The following PPP2R2C variants were observed in gnomAD, a reference collection of about 807,000 sequenced individuals.
PPP2R2C encodes protein phosphatase 2 regulatory subunit Bgamma, also known as protein phosphatase 2, regulatory subunit B, gamma.
A neutral mutation model predicts 45.3 loss-of-function variants in PPP2R2C; 10 were observed. The ratio of observed to expected loss-of-function variants is 0.22; its 90% CI spans 0.14 to 0.37. The LOEUF is 0.37. Ranked by LOEUF, PPP2R2C falls within the 10% of genes least tolerant of loss-of-function variation. The pLI, the probability that PPP2R2C is intolerant of heterozygous loss-of-function variation, is 1.00. For synonymous variants in PPP2R2C, 257 were observed against 245.4 expected (o/e 1.05, Z -0.44); for missense variants, 308 against 619.7 (o/e 0.50, Z 5.34).
chr4:6,348,682 C>T (rs1249653153), intron 5 of PPP2R2C: 1 of 985,248 alleles, frequency 1.0e-6, no homozygotes, highest in Non-Finnish European at 1.2e-6. Flanking sequence ...GTCACCCCTG[C>T]TGTGCTGGGT....
chr4:6,333,406 G>A (rs539594275), intron 7 of PPP2R2C, among the ~76,000 whole-genome samples, 156 bp downstream of exon 7: 1 of 152,344 alleles, frequency 6.6e-6, no homozygotes, highest in South Asian at 2.1e-4. Context: ...GCCAAGCTAC[G>A]TGTGGGGATG....
intron 1 of PPP2R2C, chr4:6,421,133 T>C: frequency 1.0e-6 from 1 of 984,970 alleles, no homozygotes; most frequent in Non-Finnish European, 1.2e-6. Flanking sequence ...GTATGAGCCC[T>C]AGGCTCAGCC....
At chr4:6,427,539 G>A (rs1337739821) in intron 1 of PPP2R2C, among the ~76,000 whole-genome samples, 2 of 152,216 alleles carry the variant, frequency 1.3e-5, no homozygotes, top group Non-Finnish European at 2.9e-5. Context: ...GGCTGGACCT[G>A]CCAGGAATGA....
intron 5 of PPP2R2C, among the ~76,000 whole-genome samples, chr4:6,363,655 A>G (rs1577109913): frequency 6.6e-6 from 1 of 152,184 alleles, no homozygotes; most frequent in African/African-American, 2.4e-5. Context: ...ATGTCCATGA[A>G]CATGGATTTG....
At chr4:6,379,598 T>C (rs182419114) in intron 2 of PPP2R2C, among the ~76,000 whole-genome samples, 3 of 152,282 alleles carry the variant, frequency 2.0e-5, no homozygotes, top group Non-Finnish European at 4.4e-5. Context: ...ACCAATCCGA[T>C]CTCTTTCTGC....
intron 1 of PPP2R2C, among the ~76,000 whole-genome samples, chr4:6,423,537 A>T (rs1462726111): frequency 1.3e-5 from 2 of 152,240 alleles, no homozygotes; most frequent in African/African-American, 2.4e-5. Context: ...CAAGAAACAC[A>T]CATGCACCCT....
chr4:6,437,132 C>T (rs531025024), intron 1 of PPP2R2C, among the ~76,000 whole-genome samples: 34 of 152,298 alleles, frequency 2.2e-4, no homozygotes, highest in African/African-American at 7.9e-4. Flanking sequence ...GTTACTTTGC[C>T]ACTCTCAGCG....
intron 1 of PPP2R2C, among the ~76,000 whole-genome samples, chr4:6,459,897 T>C (rs75078007): frequency 1.3e-5 from 2 of 152,158 alleles, no homozygotes; most frequent in South Asian, 4.1e-4. Flanking sequence ...AGTACCAAGT[T>C]TGGTCATCAG....
At chr4:6,334,420 C>A (rs1378387743) in intron 6 of PPP2R2C, among the ~76,000 whole-genome samples, 1 of 152,174 alleles carries the variant, frequency 6.6e-6, no homozygotes, top group East Asian at 1.9e-4. Context: ...CCCACCTGGA[C>A]AATTATAGAC....
chr4:6,544,678 T>G (rs1724917363), intron 1 of PPP2R2C, among the ~76,000 whole-genome samples: 1 of 152,200 alleles, frequency 6.6e-6, no homozygotes, highest in South Asian at 2.1e-4. Context: ...TTGCACAAAG[T>G]GTCCCCCTGT....
intron 1 of PPP2R2C, among the ~76,000 whole-genome samples, chr4:6,427,286 G>A (rs1347939443): frequency 3.3e-5 from 5 of 152,204 alleles, no homozygotes; most frequent in Admixed American, 6.5e-5. Context: ...ACAGTTTAAC[G>A]TTCAGCATCT....
chr4:6,415,025 G>A (rs1488194063), intron 1 of PPP2R2C, among the ~76,000 whole-genome samples: 1 of 152,240 alleles, frequency 6.6e-6, no homozygotes, highest in Non-Finnish European at 1.5e-5. Flanking sequence ...GATGGTGTCA[G>A]GAACAGGTGC....
chr4:6,442,605 A>G (rs1434846689), intron 1 of PPP2R2C, among the ~76,000 whole-genome samples: 1 of 152,242 alleles, frequency 6.6e-6, no homozygotes, highest in East Asian at 1.9e-4. Context: ...CACAGGCACC[A>G]AGAGGAACTG....
At chr4:6,383,760 G>A in intron 1 of PPP2R2C, 1 of 940,964 alleles carries the variant, frequency 1.1e-6, no homozygotes, top group African/African-American at 1.8e-5. Flanking sequence ...AACTTCATGA[G>A]GGCAGGAGCC....
intron 2 of PPP2R2C, among the ~76,000 whole-genome samples, chr4:6,516,669 T>C (rs1019046690): frequency 1.3e-5 from 2 of 152,252 alleles, no homozygotes; most frequent in Non-Finnish European, 2.9e-5. Context: ...GAGTTTTTCA[T>C]TTAAAAGAAA....
chr4:6,407,810 T>C (rs1717901773), intron 1 of PPP2R2C, among the ~76,000 whole-genome samples: 1 of 152,180 alleles, frequency 6.6e-6, no homozygotes, highest in South Asian at 2.1e-4. Context: ...TCCCCAAGGA[T>C]ACAAAGTAAA....
intron 2 of PPP2R2C, among the ~76,000 whole-genome samples, chr4:6,481,606 C>A (rs1722352246): frequency 6.6e-6 from 1 of 152,118 alleles, no homozygotes; most frequent in African/African-American, 2.4e-5. Flanking sequence ...ACAGTCTTTG[C>A]CTTTCATCAA....
rs957440670 is a variant in PPP2R2C at position 6,331,354 on chromosome 4, C to T, written c.961-2001G>A. On this transcript the variant is annotated intron_variant, in intron 7 of 8. Transcript: ENST00000382599. This position sits in a 1 kb window ranked among gnomAD's most constrained non-coding sequence, Gnocchi z 5.9. ...CAATAAAATGGGATGGGGAGAATAC[C>T]GGCCCCACCTCCCAGGACAGCTGGG... 4.6e-5 allele frequency among the ~76,000 whole-genome samples: 7 copies of T among 151,982 alleles called. No individual in the cohort carries two copies. The highest frequency in any genetic ancestry group is 7.4e-5 in the Non-Finnish European group (5 of 67,984).
In PPP2R2C at chr4:6,554,751, T is replaced by C. The variant is rs532913179; in HGVS notation, c.-59+8809A>G. Among the ~76,000 whole-genome samples the C allele has an allele frequency of 6.7e-5, 10 of 150,316 alleles. No individual in the cohort carries two copies. In the South Asian group the frequency reaches 1.9e-3, roughly 28 times the overall value. ...GGTGCACACCTGTAATCCCAGCTACTGAGGAAGCTGAGGCACGAGAATCGC... is the reference window on the plus strand; with the variant it reads ...GGTGCACACCTGTAATCCCAGCTACCGAGGAAGCTGAGGCACGAGAATCGC... On this transcript the variant is annotated intron_variant, in intron 1 of 9. Transcript: ENST00000506140.
Sources: gnomAD v4.1 joint callset for allele counts (sites outside exome capture counted in the v4.1 genomes callset) on GRCh38, gnomAD v4.1.1 for gene constraint, Gnocchi (gnomAD v3.1) non-coding constraint, MANE v1.5 for transcripts, NCBI Gene and HGNC (gene_info 2026-07-23, HGNC 2026-07-21) for gene names.